Variants in ZNF462 observed in about 807,000 individuals in gnomAD.
ZNF462 encodes the protein zinc finger protein 462, also known as zinc finger PBX1-interacting protein.
In ZNF462, 10 loss-of-function variants were observed where a neutral mutation model predicts 201.9. The ratio of observed to expected loss-of-function variants is 0.05; its 90% CI spans 0.03 to 0.08. ZNF462 has a LOEUF of 0.08. Among genes scored for constraint, ZNF462 ranks in the 10% least tolerant of loss-of-function variants. ZNF462 has a pLI of 1.00. For missense variants in ZNF462, 2,523 were observed against 3,168.3 expected (o/e 0.80, Z 4.89); for synonymous variants, 1,227 against 1,193.3 (o/e 1.03, Z -0.58).
intron 1 of ZNF462, among the ~76,000 whole-genome samples, chr9:106,871,021 G>A (rs1353839580): frequency 2.6e-5 from 4 of 152,150 alleles, no homozygotes; most frequent in Non-Finnish European, 2.9e-5. Context: ...GGTGGGAGCC[G>A]ATGTCCTCTA....
At chr9:106,871,617 A>G (rs1587975242) in intron 1 of ZNF462, among the ~76,000 whole-genome samples, 1 of 152,340 alleles carries the variant, frequency 6.6e-6, no homozygotes, top group East Asian at 1.9e-4. Context: ...GTGCTCAGGT[A>G]CACATTCTTT....
chr9:107,004,573 G>T (rs1227338263), intron 11 of ZNF462, among the ~76,000 whole-genome samples: 1 of 151,576 alleles, frequency 6.6e-6, no homozygotes, highest in Non-Finnish European at 1.5e-5. Context: ...TTCAGATTTT[G>T]GACTTTTTAA....
At chr9:106,958,192 C>T (rs1197499975) in intron 7 of ZNF462, among the ~76,000 whole-genome samples, 1 of 150,932 alleles carries the variant, frequency 6.6e-6, no homozygotes, top group East Asian at 1.9e-4. Context: ...GCATTTCTAC[C>T]AAGCCTCCTT....
At chr9:106,875,917 T>TGTGTATATATGTATAC (rs1827811261) in intron 1 of ZNF462, among the ~76,000 whole-genome samples, 1 of 152,152 alleles carries the variant, frequency 6.6e-6, no homozygotes, top group Non-Finnish European at 1.5e-5. Flanking sequence ...TATATGTATA[T>TGTGTATATATGTATAC]GTATGTATAT....
At chr9:106,983,947 T>C (rs1391104421) in intron 9 of ZNF462, among the ~76,000 whole-genome samples, 2 of 152,164 alleles carry the variant, frequency 1.3e-5, no homozygotes, top group African/African-American at 4.8e-5. Context: ...CCTCTATTTA[T>C]AGGTCATTCT....
At position 107,008,737 on chromosome 9, in the gene ZNF462, A is replaced by T. The variant is rs1306794425; in HGVS notation, c.7190-808A>T. On this transcript the variant is annotated intron_variant, in intron 11 of 12. Transcript: ENST00000277225. The surrounding 1 kb of genome is among the most constrained non-coding windows in gnomAD (Gnocchi z 4.8). ...TAAACAGCCAATCCACATTTATCAG[A>T]CTTCTACCATGTGCCTAGTACCATG... Among the ~76,000 whole-genome samples, 1 of 152,176 alleles carries T rather than the reference A, an allele frequency of 6.6e-6. No homozygotes were observed. The highest frequency in any genetic ancestry group is 1.5e-5 in the Non-Finnish European group (1 of 68,024).
Position 106,927,599 on chromosome 9 carries a change from T to C in ZNF462, c.3687T>C (p.His1229=). The C allele has an allele frequency of 6.2e-7, 1 of 1,613,762 alleles. No individual in the cohort carries two copies. The highest frequency in any genetic ancestry group is 1.7e-4 in the Middle Eastern group (1 of 6,060). The change falls in exon 3 of 13, where the codon CAT becomes CAC. Residue 1229 remains histidine, a synonymous_variant. Coordinates refer to ENST00000277225, the MANE Select transcript of ZNF462 (RefSeq NM_021224.6). Reference sequence around the variant, plus strand: ...CCAATGCAGATGTGATCCGGCAGCATACGGCCACCATTCGAAGCCTCTGCG... The same window carrying C: ...CCAATGCAGATGTGATCCGGCAGCACACGGCCACCATTCGAAGCCTCTGCG... ...FKANADVIRQ[H]TATIRSLCDR...
intron 7 of ZNF462, among the ~76,000 whole-genome samples, chr9:106,939,820 C>T (rs1414424916): frequency 2.6e-5 from 4 of 152,142 alleles, no homozygotes; most frequent in Non-Finnish European, 5.9e-5. Context: ...TTTATAAGAC[C>T]AGGAAGCAGA....
intron 8 of ZNF462, among the ~76,000 whole-genome samples, chr9:106,973,092 T>C (rs904360242): frequency 2.0e-5 from 3 of 152,088 alleles, no homozygotes; most frequent in African/African-American, 7.2e-5. Flanking sequence ...AATGAACCAG[T>C]GTATCTTGAA....
At chr9:106,980,868 C>T (rs1407452672) in intron 9 of ZNF462, among the ~76,000 whole-genome samples, 2 of 152,200 alleles carry the variant, frequency 1.3e-5, no homozygotes, top group East Asian at 3.8e-4. Context: ...CCACAGTTGT[C>T]ACTGCCCCCA....
intron 1 of ZNF462, among the ~76,000 whole-genome samples, chr9:106,888,124 C>T (rs529216275): frequency 6.6e-6 from 1 of 151,874 alleles, no homozygotes; most frequent in East Asian, 1.9e-4. Flanking sequence ...TCACTGCAAG[C>T]TCCGCCTCCC....
chr9:106,971,894 A>G, intron 7 of ZNF462, 111 bp from the exon 8 acceptor site: 5 of 1,339,472 alleles, frequency 3.7e-6, no homozygotes, highest in South Asian at 1.4e-5. Context: ...TTTGTCAATT[A>G]TACCTTAGTA....
rs1234304541 is a variant in ZNF462, at chr9:106,962,633, T to G, written c.6428-9372T>G. Among the ~76,000 whole-genome samples, 1 of 152,032 alleles carries G rather than the reference T, an allele frequency of 6.6e-6. No homozygotes were observed. Among genetic ancestry groups the G allele is most frequent in the African/African-American group, 2.4e-5 (1 of 41,406 alleles). On this transcript the variant is annotated intron_variant, in intron 7 of 12. Transcript: ENST00000277225. The surrounding 1 kb of genome is among the most constrained non-coding windows in gnomAD (Gnocchi z 4.6). ...GTTTGTATCATTTTGCAGGCTAATA[T>G]TTTGTTTTGTTTTGTTTTCTCAATC...
intron 7 of ZNF462, among the ~76,000 whole-genome samples, chr9:106,960,711 C>T (rs1315260400): frequency 6.6e-6 from 1 of 152,112 alleles, no homozygotes; most frequent in Non-Finnish European, 1.5e-5. Context: ...AGTTTCCTGC[C>T]TGTTTCAAGG....
chr9:106,923,239 A>T lies in ZNF462; in HGVS notation c.-30-115A>T. On this transcript the variant is annotated intron_variant, in intron 1 of 12. Coordinates refer to ENST00000277225, the MANE Select transcript of ZNF462 (RefSeq NM_021224.6). The surrounding 1 kb of genome is among the most constrained non-coding windows in gnomAD (Gnocchi z 5.6). ...AATGTTCCAACTGGCAAAGTCCAAT[A>T]AGAGAAATCTACTGATACTGGAATT... 1.4e-6 allele frequency: 1 copy of T among 728,342 alleles called. No individual in the cohort carries two copies. The highest frequency in any genetic ancestry group is 2.3e-6 in the Non-Finnish European group (1 of 435,860). 45.1% of individuals were successfully genotyped at this position (728,342 alleles called of 1,614,324 possible).
chr9:106,887,805 C>G (rs537645370), intron 1 of ZNF462, among the ~76,000 whole-genome samples: 2 of 152,268 alleles, frequency 1.3e-5, no homozygotes, highest in East Asian at 3.9e-4. Flanking sequence ...TTAAAAAGGA[C>G]TTTTTGGGTT....
In ZNF462 at chr9:106,968,263, A is replaced by G. The variant is rs1056674316; in HGVS notation, c.6428-3742A>G. ...CTGGTAAAATTGAGATGTAAACCCA[A>G]TTAGACCGCACACCATAGTTGTGAG... On this transcript the variant is annotated intron_variant, in intron 7 of 12. Transcript: ENST00000277225. This position sits in a 1 kb window ranked among gnomAD's most constrained non-coding sequence, Gnocchi z 4.0. Among the ~76,000 whole-genome samples, 2 of 152,276 alleles carry G rather than the reference A, an allele frequency of 1.3e-5. No individual in the cohort carries two copies. Among genetic ancestry groups the G allele is most frequent in the African/African-American group, 4.8e-5 (2 of 41,564 alleles).
In ZNF462 at chr9:106,925,045, A is replaced by C. The variant is rs557406743; in HGVS notation, c.1133A>C (p.Glu378Ala). 14 of 1,614,190 alleles carry C rather than the reference A, an allele frequency of 8.7e-6. No homozygotes were observed. In the South Asian group the frequency reaches 1.5e-4, roughly 18 times the overall value. ...ATGACCAATTCTTCTGCTGACCTGG[A>C]AACTAACAGCATGCTAAATGACTCT... ...TDMTNSSADLETNSMLNDSSS... is the reference protein window; with the variant it reads ...TDMTNSSADLATNSMLNDSSS... The change falls in exon 3 of 13, where the codon GAA becomes GCA. Residue 378 changes from glutamate to alanine, a missense_variant. This residue lies in a region of ZNF462 where 480 missense variants were observed against 544.4 expected (regional missense o/e 0.88). Transcript: ENST00000277225. The surrounding 1 kb of genome is among the most constrained non-coding windows in gnomAD (Gnocchi z 7.9).
Position 106,977,634 on chromosome 9 carries a change from G to A in ZNF462, c.6832+3361G>A, listed in dbSNP as rs928654354. The stretch of plus-strand genomic sequence containing the variant: ...TGCTTGGTTCTTTGGGCAAAATGGG[G>A]AACATAAGACCCAGCACCCACTCTC... On this transcript the variant is annotated intron_variant, in intron 9 of 12. Coordinates refer to ENST00000277225, the MANE Select transcript of ZNF462 (RefSeq NM_021224.6). This position sits in a 1 kb window ranked among gnomAD's most constrained non-coding sequence, Gnocchi z 4.6. Among the ~76,000 whole-genome samples, 2 of 151,432 alleles carry A rather than the reference G, an allele frequency of 1.3e-5. No individual in the cohort carries two copies.
Sources: allele counts gnomAD v4.1 joint callset (sites outside exome capture counted in the v4.1 genomes callset), GRCh38; gene constraint gnomAD v4.1.1; regional missense constraint gnomAD v4.1.1; non-coding constraint Gnocchi (gnomAD v3.1); transcripts MANE v1.5; gene names NCBI Gene and HGNC (gene_info 2026-07-23, HGNC 2026-07-21).